The following ADAMTS18 variants were observed in gnomAD, a reference collection of about 807,000 sequenced individuals.
ADAMTS18 encodes the protein A disintegrin and metalloproteinase with thrombospondin motifs 18.
ADAMTS18 carries 157 observed loss-of-function variants against 165.9 expected under a neutral mutation model. The observed-to-expected ratio is 0.95, with a 90% CI of 0.83 to 1.08. The LOEUF (loss-of-function observed/expected upper bound fraction) is 1.08, where lower values mean the gene tolerates loss of function less well. Ranked by LOEUF, ADAMTS18 falls within the 50% of genes least tolerant of loss-of-function variation. The pLI is 0.00. For synonymous variants in ADAMTS18, 782 were observed against 578.2 expected (o/e 1.35, Z -5.06); for missense variants, 2,040 against 1,534.0 (o/e 1.33, Z -5.51).
intron 3 of ADAMTS18, among the ~76,000 whole-genome samples, chr16:77,418,562 T>C (rs891783949): frequency 2.0e-5 from 3 of 152,172 alleles, no homozygotes; most frequent in Admixed American, 1.3e-4. Context: ...TCCAGACAGC[T>C]TCCCCCTAGA....
At chr16:77,291,978 A>C (rs758915522) in intron 20 of ADAMTS18, among the ~76,000 whole-genome samples, 1 of 152,216 alleles carries the variant, frequency 6.6e-6, no homozygotes, top group Non-Finnish European at 1.5e-5. Context: ...ACAGGAGGTA[A>C]CATGATGAGG....
chr16:77,412,234 C>G (rs1021149067), intron 3 of ADAMTS18, among the ~76,000 whole-genome samples: 1 of 152,206 alleles, frequency 6.6e-6, no homozygotes, highest in Admixed American at 6.5e-5. Flanking sequence ...GACTGTAACT[C>G]GTACCATTGG....
rs557710922 is a variant in ADAMTS18, at chr16:77,308,506, C to A, written c.2533-8102G>T. Reference sequence around the variant, plus strand: ...AGAGGAGAGAAAGGAGGAGCATGAACTAGTAAGATACCTCATCTCTAGTCA... The same window carrying A: ...AGAGGAGAGAAAGGAGGAGCATGAAATAGTAAGATACCTCATCTCTAGTCA... On this transcript the variant is annotated intron_variant, in intron 16 of 22. Transcript: ENST00000282849. Among the ~76,000 whole-genome samples the A allele has an allele frequency of 6.6e-4, 100 of 150,708 alleles. 1 individual carries two copies. The highest frequency in any genetic ancestry group is 2.4e-3 in the African/African-American group (97 of 41,006).
At chr16:77,287,770 C>G (rs918978168) in intron 22 of ADAMTS18, among the ~76,000 whole-genome samples, 2 of 152,152 alleles carry the variant, frequency 1.3e-5, no homozygotes, top group Non-Finnish European at 2.9e-5. Flanking sequence ...CAGCACTCAG[C>G]CAAGCTCCTC....
intron 22 of ADAMTS18, among the ~76,000 whole-genome samples, chr16:77,285,070 C>G (rs936460096): frequency 2.6e-5 from 4 of 152,172 alleles, no homozygotes; most frequent in African/African-American, 9.7e-5. Flanking sequence ...GATTATTTCA[C>G]TGTACATCAA....
At chr16:77,372,615 A>C (rs375209922) in intron 3 of ADAMTS18, among the ~76,000 whole-genome samples, 2 of 152,340 alleles carry the variant, frequency 1.3e-5, no homozygotes, top group East Asian at 3.9e-4. Context: ...CAAGTAAATG[A>C]AATGGTTCAC....
chr16:77,379,409 G>C (rs554884620), intron 3 of ADAMTS18, among the ~76,000 whole-genome samples: 1 of 152,182 alleles, frequency 6.6e-6, no homozygotes, highest in East Asian at 1.9e-4. Flanking sequence ...AAGCAAAGTG[G>C]ACTTTATGGA....
In ADAMTS18 at chr16:77,291,373, T is replaced by C. The variant is rs751363300; in HGVS notation, c.3295A>G (p.Ile1099Val). 4 of 1,614,068 alleles carry C rather than the reference T, an allele frequency of 2.5e-6. No individual in the cohort carries two copies. Among genetic ancestry groups the C allele is most frequent in the Non-Finnish European group, 1.7e-6 (2 of 1,180,026 alleles). Reference sequence around the variant, plus strand: ...TCCAAGTCCAGATTTGGTTTCTTAATATTACGGCATCTTCGCTCTGGGAAA... The same window carrying C: ...TCCAAGTCCAGATTTGGTTTCTTAACATTACGGCATCTTCGCTCTGGGAAA... ...ITFPERRCRNIKKPNLDLEET... is the reference protein window; with the variant it reads ...ITFPERRCRNVKKPNLDLEET... Residue 1099 changes from isoleucine (I) to valine (V), a missense_variant, in exon 21 of 23, where the codon ATT becomes GTT. Coordinates refer to ENST00000282849, the MANE Select transcript of ADAMTS18 (RefSeq NM_199355.4).
chr16:77,285,667 C>CT (rs958573744), intron 22 of ADAMTS18, among the ~76,000 whole-genome samples: 2 of 152,102 alleles, frequency 1.3e-5, no homozygotes, highest in Admixed American at 6.5e-5. Context: ...AGTATAAGTG[C>CT]TTTTTTTGAT....
chr16:77,348,310 G>A (rs946957601), intron 10 of ADAMTS18, among the ~76,000 whole-genome samples: 2 of 152,150 alleles, frequency 1.3e-5, no homozygotes, highest in South Asian at 2.1e-4. Flanking sequence ...ATTGGGGAAT[G>A]TGGCTGAGAT....
At chr16:77,395,064 C>A (rs1383684031) in intron 3 of ADAMTS18, among the ~76,000 whole-genome samples, 1 of 152,170 alleles carries the variant, frequency 6.6e-6, no homozygotes. Context: ...CAGAGCTTCA[C>A]AACAACTTTA....
chr16:77,337,732 G>A (rs933669877), intron 11 of ADAMTS18, among the ~76,000 whole-genome samples: 5 of 152,118 alleles, frequency 3.3e-5, no homozygotes, highest in Middle Eastern at 3.4e-3. Flanking sequence ...CTAGTATTAC[G>A]TTAGGCTGCT....
rs200305277 is a variant in ADAMTS18, at chr16:77,335,858, C to A, written c.1757G>T (p.Arg586Leu). 2.6e-5 allele frequency: 42 copies of A among 1,614,158 alleles called. No individual in the cohort carries two copies. Among genetic ancestry groups the A allele is most frequent in the Non-Finnish European group, 3.6e-5 (42 of 1,180,036 alleles). Residue 586 changes from arginine (R) to leucine (L), a missense_variant, in exon 12 of 23, where the codon CGG becomes CTG. Coordinates refer to ENST00000282849, the MANE Select transcript of ADAMTS18 (RefSeq NM_199355.4). ...QCVKFGELGP[R>L]PIHGQWSAWS... is the part of the protein sequence containing the mutation. ...GGCGGACCACTGGCCGTGGATGGGC[C>A]GGGGCCCGAGCTCCCCAAACTTTAC...
chr16:77,290,697 TA>T (rs1043311251), intron 21 of ADAMTS18: 2 of 166,584 alleles, frequency 1.2e-5, no homozygotes, highest in African/African-American at 4.8e-5. Context: ...CAATCCTAGC[TA>T]AAGTTTCACC....
chr16:77,428,761 T>C (rs1272920347), intron 3 of ADAMTS18, among the ~76,000 whole-genome samples: 2 of 152,180 alleles, frequency 1.3e-5, no homozygotes, highest in African/African-American at 4.8e-5. Context: ...ATTTTTTGCA[T>C]TAGAGATGCT....
At chr16:77,397,044 G>C (rs2057266977) in intron 3 of ADAMTS18, among the ~76,000 whole-genome samples, 1 of 151,964 alleles carries the variant, frequency 6.6e-6, no homozygotes, top group African/African-American at 2.4e-5. Context: ...CCTGACCTAA[G>C]GTGATCCACC....
intron 3 of ADAMTS18, among the ~76,000 whole-genome samples, chr16:77,428,676 C>A (rs558473931): frequency 2.0e-5 from 3 of 152,238 alleles, no homozygotes; most frequent in East Asian, 3.9e-4. Context: ...AATTTGAAAT[C>A]TGAAATGCTC....
intron 21 of ADAMTS18, chr16:77,290,676 G>A (rs953486762): frequency 3.1e-5 from 5 of 163,920 alleles, no homozygotes; most frequent in African/African-American, 7.2e-5. Context: ...TGGAAGGACC[G>A]CGTCACACAC....
chr16:77,350,494 G>A (rs182488528), intron 10 of ADAMTS18, among the ~76,000 whole-genome samples: 1 of 152,156 alleles, frequency 6.6e-6, no homozygotes, highest in East Asian at 1.9e-4. Flanking sequence ...AGCCATGGAG[G>A]AACTATTGTA....
Sources: allele counts gnomAD v4.1 joint callset (sites outside exome capture counted in the v4.1 genomes callset), GRCh38; gene constraint gnomAD v4.1.1; transcripts MANE v1.5; gene names NCBI Gene and HGNC (gene_info 2026-07-23, HGNC 2026-07-21).